FERMT1: variants seen among roughly 807,000 people sequenced by gnomAD.
The protein encoded by FERMT1 is FERM domain containing kindlin 1.
FERMT1 carries 60 observed loss-of-function variants against 85.3 expected under a neutral mutation model. The ratio of observed to expected loss-of-function variants is 0.70; its 90% CI spans 0.57 to 0.87. The LOEUF is 0.87. Ranked by LOEUF, FERMT1 falls within the 40% of genes least tolerant of loss-of-function variation. FERMT1 has a pLI of 0.00. For missense variants in FERMT1, 701 were observed against 818.9 expected (o/e 0.86, Z 1.76); for synonymous variants, 275 against 301.1 (o/e 0.91, Z 0.90).
rs1568651126 is a variant in FERMT1 at position 6,077,158 on chromosome 20, G to A, written c.*15C>T. On this transcript the variant is annotated 3_prime_UTR_variant, in exon 15 of 15. Transcript: ENST00000217289. ...GGCTTGCCTTGTTGGTGTGAGCCGA[G>A]CACGCGTGCTTGTTTCAATCCTGAC... 1.2e-6 allele frequency: 2 copies of A among 1,612,906 alleles called. No individual in the cohort carries two copies. The highest frequency in any genetic ancestry group is 2.7e-5 in the African/African-American group (2 of 74,886).
In FERMT1 at chr20:6,075,114, C is replaced by T. The variant is rs569217576; in HGVS notation, c.*2059G>A. 6 of 143,536 alleles carry T rather than the reference C, an allele frequency of 4.2e-5. No individual in the cohort carries two copies. Among genetic ancestry groups the T allele is most frequent in the African/African-American group, 1.5e-4 (6 of 38,882 alleles). 8.9% of individuals were successfully genotyped at this position (143,536 alleles called of 1,614,324 possible). On this transcript the variant is annotated 3_prime_UTR_variant, in exon 15 of 15. Coordinates refer to ENST00000217289, the MANE Select transcript of FERMT1 (RefSeq NM_017671.5). ...ATGTTGCTGTGTGTCATGGAAGAAA[C>T]GCTCCCCTGAAAACTGTAACCAAAC...
At chr20:6,122,483 C>G (rs1337027955) in intron 1 of FERMT1, among the ~76,000 whole-genome samples, 2 of 152,180 alleles carry the variant, frequency 1.3e-5, no homozygotes, top group Non-Finnish European at 2.9e-5. Context: ...CGAAGGCCAC[C>G]CGACCTGTCT....
chr20:6,081,266 TAAA>T (rs34199919), intron 13 of FERMT1, among the ~76,000 whole-genome samples: 4 of 140,772 alleles, frequency 2.8e-5, no homozygotes, highest in African/African-American at 1.0e-4. Flanking sequence ...TGCCTCTAAT[TAAA>T]AAAAAAAAAA....
chr20:6,098,875 T>C (rs1982578645), intron 6 of FERMT1, among the ~76,000 whole-genome samples: 1 of 152,200 alleles, frequency 6.6e-6, no homozygotes, highest in African/African-American at 2.4e-5. Flanking sequence ...TGTAAAATGA[T>C]GCAGCCTCTG....
At chr20:6,094,208 A>G (rs1294397266) in intron 9 of FERMT1, 1 of 152,236 alleles carries the variant, frequency 6.6e-6, no homozygotes, top group Non-Finnish European at 1.5e-5. Flanking sequence ...CCGTTGGTTA[A>G]GAAAAGTCAA....
At chr20:6,086,100 C>T (rs187997978) in intron 11 of FERMT1, among the ~76,000 whole-genome samples, 2 of 151,650 alleles carry the variant, frequency 1.3e-5, no homozygotes, top group East Asian at 3.9e-4. Context: ...CGAGATTGCA[C>T]CACTGCACTC....
chr20:6,095,680 C>T (rs1390686962), intron 8 of FERMT1, among the ~76,000 whole-genome samples: 1 of 152,168 alleles, frequency 6.6e-6, no homozygotes, highest in Admixed American at 6.5e-5. Flanking sequence ...TGTATTTATT[C>T]AGCGGAGAAA....
intron 3 of FERMT1, 101 bp downstream of exon 3, chr20:6,115,710 G>A: frequency 2.2e-6 from 2 of 892,818 alleles, no homozygotes; most frequent in Non-Finnish European, 3.7e-6. Context: ...ATAGGTGAGT[G>A]TTCTGTAGCA....
intron 6 of FERMT1, among the ~76,000 whole-genome samples, chr20:6,105,636 G>A (rs1423996974): frequency 6.6e-6 from 1 of 152,148 alleles, no homozygotes; most frequent in Non-Finnish European, 1.5e-5. Flanking sequence ...AAAGGGTTTG[G>A]CTACTACAGT....
intron 8 of FERMT1, among the ~76,000 whole-genome samples, chr20:6,096,575 TAGACTTA>T (rs1284305715): frequency 6.6e-6 from 1 of 152,192 alleles, no homozygotes; most frequent in African/African-American, 2.4e-5. Flanking sequence ...TGGTATTTTC[TAGACTTA>T]AGTTTAGGGA....
chr20:6,095,766 G>A (rs1393360903), intron 8 of FERMT1, among the ~76,000 whole-genome samples: 1 of 152,204 alleles, frequency 6.6e-6, no homozygotes, highest in East Asian at 1.9e-4. Flanking sequence ...CATCTCTACA[G>A]AATCTTGGCG....
intron 3 of FERMT1, among the ~76,000 whole-genome samples, chr20:6,113,788 C>G (rs1347933498): frequency 3.9e-5 from 6 of 152,208 alleles, no homozygotes; most frequent in Admixed American, 1.3e-4. Context: ...TGGTGACACT[C>G]TTCTCTTTTC....
intron 2 of FERMT1, 95 bp from the exon 3 acceptor site, chr20:6,116,139 G>A (rs1049183736): frequency 2.3e-6 from 2 of 869,704 alleles, no homozygotes; most frequent in African/African-American, 3.3e-5. Flanking sequence ...TGCGAAAATG[G>A]AAACCAACAA....
At chr20:6,099,820 T>C (rs1292884084) in intron 6 of FERMT1, among the ~76,000 whole-genome samples, 1 of 134,318 alleles carries the variant, frequency 7.4e-6, no homozygotes, top group Admixed American at 8.0e-5. Flanking sequence ...ACATGATGAG[T>C]CACTGTTTCT....
chr20:6,081,266 T>TAA (rs34199919), intron 13 of FERMT1, among the ~76,000 whole-genome samples: 5 of 140,768 alleles, frequency 3.6e-5, no homozygotes, highest in East Asian at 2.0e-4. Context: ...TGCCTCTAAT[T>TAA]AAAAAAAAAA....
chr20:6,089,082 T>C lies in FERMT1; in HGVS notation c.1147A>G (p.Lys383Glu). ...TGTTTGAAAGCTTTTGGTAGTAACT[T>C]CTTGGGCCTGCAAATTCAAAGATAG... ...ADNLKLFRPK[K>E]LLPKAFKQYW... Residue 383 changes from lysine (K) to glutamate (E), a missense_variant, in exon 10 of 15, where the codon AAG (lysine) becomes GAG (glutamate). Lys to Glu is a moderately conservative substitution (Grantham distance 56). Transcript: ENST00000217289. 6.2e-7 allele frequency: 1 copy of C among 1,612,072 alleles called. No individual in the cohort carries two copies. Among genetic ancestry groups the C allele is most frequent in the South Asian group, 1.1e-5 (1 of 91,034 alleles).
chr20:6,104,766 C>T lies in FERMT1; in HGVS notation c.849+2766G>A, dbSNP rs1436103182. On this transcript the variant is annotated intron_variant, in intron 6 of 14. Transcript: ENST00000217289. This position sits in a 1 kb window ranked among gnomAD's most constrained non-coding sequence, Gnocchi z 4.2. Reference sequence around the variant, plus strand: ...CCTTGTCCCCTTCTGGAGTACGATTCGTTTGATTTCTTCCACTTTTTAGAC... The same window carrying T: ...CCTTGTCCCCTTCTGGAGTACGATTTGTTTGATTTCTTCCACTTTTTAGAC... Among the ~76,000 whole-genome samples, 1 of 152,188 alleles carries T rather than the reference C, an allele frequency of 6.6e-6. No homozygotes were observed. Among genetic ancestry groups the T allele is most frequent in the African/African-American group, 2.4e-5 (1 of 41,446 alleles).
At chr20:6,087,474 C>T (rs762989257) in intron 11 of FERMT1, among the ~76,000 whole-genome samples, 1 of 152,070 alleles carries the variant, frequency 6.6e-6, no homozygotes, top group Non-Finnish European at 1.5e-5. Context: ...CCATGCCTGG[C>T]CAATTTTTGT....
Position 6,091,037 on chromosome 20 carries a change from A to G in FERMT1, c.1140-1948T>C, listed in dbSNP as rs985309726. Among the ~76,000 whole-genome samples the G allele has an allele frequency of 6.6e-5, 10 of 150,858 alleles. No individual in the cohort carries two copies. In the East Asian group the frequency reaches 1.4e-3, roughly 22 times the overall value. ...AAATTAGCTGGCCGTGGTGGCGTGC[A>G]CCTGTAGTCCCAGCTACCCGGAGGC... is the stretch of plus-strand genomic sequence containing the variant. On this transcript the variant is annotated intron_variant, in intron 9 of 14. Coordinates refer to ENST00000217289, the MANE Select transcript of FERMT1 (RefSeq NM_017671.5).
Sources: gnomAD v4.1 joint callset for allele counts (sites outside exome capture counted in the v4.1 genomes callset) on GRCh38, gnomAD v4.1.1 for gene constraint, Gnocchi (gnomAD v3.1) non-coding constraint, MANE v1.5 for transcripts, NCBI Gene and HGNC (gene_info 2026-07-23, HGNC 2026-07-21) for gene names.